Variants in LMF1 observed in about 807,000 individuals in gnomAD.
LMF1 encodes transmembrane protein 112.
Under a neutral mutation model 60.6 loss-of-function variants are expected in LMF1, and 68 were observed. The ratio of observed to expected loss-of-function variants is 1.12; its 90% CI spans 0.92 to 1.37. LMF1 has a LOEUF of 1.37. Ranked by LOEUF, LMF1 falls within the 40% of genes most tolerant of loss-of-function variation. The probability of loss-of-function intolerance (pLI) is 0.00; values close to 1 mark genes in which losing one functional copy is unlikely to be tolerated. For synonymous variants in LMF1, 418 were observed against 324.7 expected, an observed-to-expected ratio of 1.29 and a Z score of -3.09; for missense variants, 948 against 767.2, an observed-to-expected ratio of 1.24 and a Z score of -2.78.
chr16:865,713 T>G lies in LMF1; in HGVS notation c.1529+3231A>C, dbSNP rs548742094. Among the ~76,000 whole-genome samples, 8 of 152,364 alleles carry G rather than the reference T, an allele frequency of 5.3e-5. No homozygotes were observed. The South Asian group carries it at 1.7e-3, about 32-fold the overall frequency. On this transcript the variant is annotated intron_variant, in intron 10 of 10. Coordinates refer to ENST00000262301, the MANE Select transcript of LMF1 (RefSeq NM_022773.4). ...AATTTGGGAAGTTTTCAGTTCTTAT[T>G]TCTCCAAGTACATTTTCAGCCCTAA... is the stretch of plus-strand genomic sequence containing the variant.
At chr16:896,748 T>C (rs1007554514) in intron 4 of LMF1, among the ~76,000 whole-genome samples, 1 of 152,266 alleles carries the variant, frequency 6.6e-6, no homozygotes, top group Admixed American at 6.5e-5. Flanking sequence ...AGTGGAACTC[T>C]ATGGAGATTC....
intron 2 of LMF1, among the ~76,000 whole-genome samples, chr16:943,579 T>C (rs1423313379): frequency 2.6e-5 from 4 of 151,542 alleles, no homozygotes; most frequent in African/African-American, 9.7e-5. Flanking sequence ...ATACAAAAAT[T>C]AGCTGGGTGT....
intron 1 of LMF1, among the ~76,000 whole-genome samples, chr16:957,352 A>G (rs867167516): frequency 1.2e-4 from 19 of 152,180 alleles, no homozygotes; most frequent in South Asian, 2.1e-4. Flanking sequence ...AAGCTAGTAC[A>G]TGTACTTTTC....
At chr16:969,535 G>A (rs1021238823) in intron 1 of LMF1, among the ~76,000 whole-genome samples, 4 of 152,212 alleles carry the variant, frequency 2.6e-5, no homozygotes, top group Non-Finnish European at 5.9e-5. Context: ...TTCCCGCGAC[G>A]TGTGTGGCAC....
intron 3 of LMF1, among the ~76,000 whole-genome samples, chr16:922,456 C>T (rs115494265): frequency 0.063 from 9,548 of 150,746 alleles, 389 homozygotes; most frequent in Non-Finnish European, 0.083. Context: ...GTCCACCTAA[C>T]GTGGCCAGCC....
chr16:869,864 G>T lies in LMF1; in HGVS notation c.1416+19C>A. 1 of 1,605,322 alleles carries T rather than the reference G, an allele frequency of 6.2e-7. No individual in the cohort carries two copies. The highest frequency in any genetic ancestry group is 2.2e-5 in the East Asian group (1 of 44,636). On this transcript the variant is annotated intron_variant, in intron 9 of 10. Transcript: ENST00000262301. ...GGGGTACAGGCAGGTCCATGCGCCC[G>T]CCAGGGACCGTCCCCCACCTGGAAG...
chr16:858,007 A>C (rs375810003), intron 10 of LMF1, among the ~76,000 whole-genome samples: 18 of 36,700 alleles, frequency 4.9e-4, no homozygotes, highest in Admixed American at 1.5e-3. Flanking sequence ...GATGGGTGTG[A>C]GTGGTGTCTC....
At chr16:859,181 G>T (rs1454113792) in intron 10 of LMF1, among the ~76,000 whole-genome samples, 2 of 122,818 alleles carry the variant, frequency 1.6e-5, no homozygotes, top group Non-Finnish European at 1.6e-5. Flanking sequence ...GGTGTGAGTG[G>T]TGTCTCGGGA....
chr16:975,339 A>G (rs2073114839), upstream of LMF1, among the ~76,000 whole-genome samples: 1 of 151,098 alleles, frequency 6.6e-6, no homozygotes, highest in South Asian at 2.1e-4. Flanking sequence ...TTTTTTCTCT[A>G]GGAATCATAT....
At chr16:856,353 A>G (rs992423266) in intron 10 of LMF1, among the ~76,000 whole-genome samples, 6 of 152,194 alleles carry the variant, frequency 3.9e-5, no homozygotes, top group Admixed American at 6.5e-5. Flanking sequence ...GCTCAGCAGC[A>G]GACTGAAGGG....
At chr16:855,207 G>A (rs575648134) in intron 10 of LMF1, 16 of 234,346 alleles carry the variant, frequency 6.8e-5, no homozygotes, top group Non-Finnish European at 1.0e-4. Context: ...GAGCCAGGCC[G>A]GGACCTGTTT....
chr16:967,019 C>T (rs764755805), intron 1 of LMF1, among the ~76,000 whole-genome samples: 4 of 152,342 alleles, frequency 2.6e-5, no homozygotes, highest in Admixed American at 6.5e-5. Flanking sequence ...CCAGGGTGGG[C>T]AGCTCTAGCC....
intron 5 of LMF1, among the ~76,000 whole-genome samples, chr16:886,086 C>T (rs931007542): frequency 1.3e-5 from 2 of 152,354 alleles, no homozygotes; most frequent in Non-Finnish European, 2.9e-5. Context: ...CTTTAAGGAA[C>T]TTTCATTCCA....
chr16:932,932 G>A (rs759500695), intron 3 of LMF1, among the ~76,000 whole-genome samples: 5 of 149,230 alleles, frequency 3.4e-5, no homozygotes, highest in African/African-American at 1.3e-4. Flanking sequence ...GACTCAGGCC[G>A]CCGCACACGC....
intron 4 of LMF1, among the ~76,000 whole-genome samples, chr16:909,053 C>T (rs947623482): frequency 6.6e-6 from 1 of 152,176 alleles, no homozygotes; most frequent in African/African-American, 2.4e-5. Flanking sequence ...TGCAGTGACC[C>T]CTCCCAACCC....
intron 4 of LMF1, among the ~76,000 whole-genome samples, chr16:910,543 T>C (rs1426570529): frequency 6.6e-6 from 1 of 152,118 alleles, no homozygotes; most frequent in East Asian, 1.9e-4. Flanking sequence ...CACCATGGCC[T>C]GAGACTCTGT....
At chr16:865,841 G>A (rs965839888) in intron 10 of LMF1, among the ~76,000 whole-genome samples, 4 of 152,012 alleles carry the variant, frequency 2.6e-5, no homozygotes, top group African/African-American at 7.3e-5. Flanking sequence ...GTTTTTCCCC[G>A]TCTATGTCCT....
intron 3 of LMF1, among the ~76,000 whole-genome samples, chr16:931,320 T>C (rs986280443): frequency 2.6e-5 from 4 of 152,384 alleles, no homozygotes; most frequent in South Asian, 4.1e-4. Context: ...GCCGGCTGGC[T>C]GCTGCCTCGG....
intron 1 of LMF1, 126 bp from the exon 2 acceptor site, chr16:954,792 G>C: frequency 1.2e-6 from 1 of 845,046 alleles, no homozygotes; most frequent in Non-Finnish European, 1.8e-6. Flanking sequence ...GACGGTTTGG[G>C]GCCAAACCCT....
Sources: gnomAD v4.1 joint callset for allele counts (sites outside exome capture counted in the v4.1 genomes callset) on GRCh38, gnomAD v4.1.1 for gene constraint, MANE v1.5 for transcripts, NCBI Gene and HGNC (gene_info 2026-07-23, HGNC 2026-07-21) for gene names.